Variants in SYNE1 observed in about 807,000 individuals in gnomAD.
SYNE1 encodes nesprin-1.
In SYNE1, 616 loss-of-function variants were observed where a neutral mutation model predicts 1,111.0. That is an observed-to-expected ratio of 0.55 (90% confidence interval 0.52 to 0.59). SYNE1 has a LOEUF of 0.59. SYNE1 is among the 20% of genes least tolerant of loss of function. SYNE1 has a pLI of 0.00. For synonymous variants in SYNE1, 3,855 were observed against 3,825.8 expected (o/e 1.01, Z -0.28); for missense variants, 10,006 against 10,417.0 (o/e 0.96, Z 1.72).
At chr6:152,260,757 C>T (rs1450356632) in intron 101 of SYNE1, among the ~76,000 whole-genome samples, 3 of 151,774 alleles carry the variant, frequency 2.0e-5, no homozygotes, top group African/African-American at 4.8e-5. Flanking sequence ...GATCATCAGG[C>T]ATTAAATTCA....
chr6:152,265,758 G>C (rs1432893027), intron 100 of SYNE1, among the ~76,000 whole-genome samples: 2 of 151,888 alleles, frequency 1.3e-5, no homozygotes, highest in Non-Finnish European at 2.9e-5. Flanking sequence ...TTTTTCCTTA[G>C]TAATCTTGGA....
intron 55 of SYNE1, among the ~76,000 whole-genome samples, chr6:152,384,443 G>A (rs374810625): frequency 1.5e-4 from 23 of 152,250 alleles, no homozygotes; most frequent in African/African-American, 2.2e-4. Flanking sequence ...AGAATATTAC[G>A]AAGAAATGTA....
At chr6:152,379,818 A>T (rs1420568618) in intron 56 of SYNE1, among the ~76,000 whole-genome samples, 2 of 152,216 alleles carry the variant, frequency 1.3e-5, no homozygotes, top group Non-Finnish European at 2.9e-5. Flanking sequence ...TACTAATAAT[A>T]TCAACGTAAA....
At chr6:152,242,554 G>A (rs928678857) in intron 106 of SYNE1, 114 bp from the exon 107 acceptor site, 12 of 1,121,076 alleles carry the variant, frequency 1.1e-5, no homozygotes, top group Admixed American at 1.9e-5. Context: ...ATGCCTTCAG[G>A]GATGTGCCTC....
At chr6:152,353,108 AG>A (rs2096770614) in intron 69 of SYNE1, among the ~76,000 whole-genome samples, 154 bp downstream of exon 69, 1 of 152,218 alleles carries the variant, frequency 6.6e-6, no homozygotes, top group Non-Finnish European at 1.5e-5. Context: ...TTTGGCCTTA[AG>A]GAGCCAACTT....
intron 104 of SYNE1, among the ~76,000 whole-genome samples, chr6:152,251,290 A>G (rs2089165494): frequency 6.6e-6 from 1 of 151,816 alleles, no homozygotes; most frequent in Non-Finnish European, 1.5e-5. Flanking sequence ...TCTCTTAACT[A>G]TGTTCTACTC....
chr6:152,179,951 G>A (rs546898003), intron 129 of SYNE1, among the ~76,000 whole-genome samples, 185 bp downstream of exon 129: 2 of 152,042 alleles, frequency 1.3e-5, no homozygotes, highest in South Asian at 4.2e-4. Flanking sequence ...CCAAAGTGCT[G>A]GGATTACAGG....
intron 74 of SYNE1, among the ~76,000 whole-genome samples, chr6:152,343,730 G>A (rs1489083286): frequency 2.0e-5 from 3 of 151,672 alleles, no homozygotes; most frequent in Admixed American, 1.3e-4. Flanking sequence ...ACCATGCCCA[G>A]CTAATGTTTA....
intron 7 of SYNE1, 129 bp from the exon 8 acceptor site, chr6:152,510,500 C>CTTT: frequency 9.6e-7 from 1 of 1,045,676 alleles, no homozygotes; most frequent in East Asian, 2.6e-5. Context: ...AATGCAAGCT[C>CTTT]TTAAAGGGCA....
rs543199838 is a variant in SYNE1, at chr6:152,484,676, A to T, written c.1185+159T>A. Among the ~76,000 whole-genome samples the T allele has an allele frequency of 2.6e-5, 4 of 152,386 alleles. No individual in the cohort carries two copies. In the East Asian group the frequency reaches 7.7e-4, roughly 29 times the overall value. On this transcript the variant is annotated intron_variant, in intron 13 of 145. Coordinates refer to ENST00000367255, the MANE Select transcript of SYNE1 (RefSeq NM_182961.4). ...AAGACTTCCATTAACTTACAGGAAA[A>T]CTAGACAAGGAGGCAAAGATTCTCC...
At chr6:152,609,754 A>G (rs2099626043) in intron 3 of SYNE1, among the ~76,000 whole-genome samples, 1 of 152,082 alleles carries the variant, frequency 6.6e-6, no homozygotes, top group Non-Finnish European at 1.5e-5. Context: ...GCAGGTCTAT[A>G]TGGGGATGAA....
chr6:152,503,259 G>T (rs1368659102), intron 9 of SYNE1, among the ~76,000 whole-genome samples: 1 of 152,084 alleles, frequency 6.6e-6, no homozygotes, highest in Admixed American at 6.6e-5. Flanking sequence ...CACTTTAGAA[G>T]AAAGGCAGAT....
At chr6:152,248,998 A>T (rs970921029) in intron 105 of SYNE1, among the ~76,000 whole-genome samples, 163 bp downstream of exon 105, 6 of 152,204 alleles carry the variant, frequency 3.9e-5, no homozygotes, top group African/African-American at 1.4e-4. Flanking sequence ...AACAGAGTCA[A>T]TGTCACCTGG....
Position 152,239,681 on chromosome 6 carries a change from T to A in SYNE1, c.19919A>T (p.His6640Leu). The change falls in exon 108 of 146, where the codon CAT becomes CTT. Residue 6640 changes from histidine to leucine, a missense_variant. His to Leu is a moderately conservative substitution (Grantham distance 99). Around this residue, in one of 7 missense-constraint regions of SYNE1, gnomAD observed 2,182 missense variants for 2,287.8 expected, o/e 0.95. Coordinates refer to ENST00000367255, the MANE Select transcript of SYNE1 (RefSeq NM_182961.4). ...HKEYFQGLESHMILTETLFRK... is the reference protein window; with the variant it reads ...HKEYFQGLESLMILTETLFRK... ...GAAGAGTGTTTCAGTCAAGATCATA[T>A]GAGATTCCAGGCCCTGAAAGTATTC... 6.2e-7 allele frequency: 1 copy of A among 1,614,204 alleles called. No individual in the cohort carries two copies. The highest frequency in any genetic ancestry group is 8.5e-7 in the Non-Finnish European group (1 of 1,180,042).
intron 42 of SYNE1, 113 bp from the exon 43 acceptor site, chr6:152,409,822 G>A: frequency 9.0e-7 from 1 of 1,115,700 alleles, no homozygotes. Context: ...CTCATAGACG[G>A]ATTCCTACAT....
In SYNE1 at chr6:152,427,834, C is replaced by T; in HGVS notation, c.4977-18G>A. On this transcript the variant is annotated intron_variant, in intron 37 of 145. Coordinates refer to ENST00000367255, the MANE Select transcript of SYNE1 (RefSeq NM_182961.4). The stretch of plus-strand genomic sequence containing the variant: ...TCTCTAGCCTAAAGGAAGCAGAGAG[C>T]AGAAACAAATTTATTGAAAATTATC... The T allele has an allele frequency of 6.2e-7, 1 of 1,613,836 alleles. No homozygotes were observed. The highest frequency in any genetic ancestry group is 8.5e-7 in the Non-Finnish European group (1 of 1,179,990).
chr6:152,391,010 T>C (rs2097609154), intron 52 of SYNE1, among the ~76,000 whole-genome samples: 1 of 152,186 alleles, frequency 6.6e-6, no homozygotes. Flanking sequence ...ACTTGCAGAG[T>C]GCTTGGAGCA....
chr6:152,323,074 G>A (rs932935841), intron 82 of SYNE1, among the ~76,000 whole-genome samples: 4 of 152,142 alleles, frequency 2.6e-5, no homozygotes, highest in Non-Finnish European at 5.9e-5. Context: ...TGATGGGAAC[G>A]GATCCCCACA....
chr6:152,349,864 C>T lies in SYNE1; in HGVS notation c.11901+304G>A, dbSNP rs1008554175. Among the ~76,000 whole-genome samples the T allele has an allele frequency of 3.3e-5, 5 of 152,160 alleles. No individual in the cohort carries two copies. The East Asian group carries it at 9.6e-4, about 29-fold the overall frequency. On this transcript the variant is annotated intron_variant, in intron 72 of 145. Transcript: ENST00000367255. ...AGGGGAGTTTCCCTGGAAATGCTCT[C>T]TTCTGTTGTCTGCTGCCATGTGAGA...
Sources: allele counts gnomAD v4.1 joint callset (sites outside exome capture counted in the v4.1 genomes callset), GRCh38; gene constraint gnomAD v4.1.1; regional missense constraint gnomAD v4.1.1; transcripts MANE v1.5; gene names NCBI Gene and HGNC (gene_info 2026-07-23, HGNC 2026-07-21).